CTNNA3: variants seen among roughly 807,000 people sequenced by gnomAD.
CTNNA3 encodes the protein catenin alpha 3.
In CTNNA3, 76 loss-of-function variants were observed where a neutral mutation model predicts 95.7. The ratio of observed to expected loss-of-function variants is 0.79; its 90% CI spans 0.66 to 0.96. The LOEUF is 0.96. Among genes scored for constraint, CTNNA3 ranks in the 40% least tolerant of loss-of-function variants. The pLI is 0.00. For missense variants in CTNNA3, 1,191 were observed against 1,089.8 expected (o/e 1.09, Z -1.31); for synonymous variants, 431 against 374.4 (o/e 1.15, Z -1.74).
chr10:66,317,095 G>A (rs1314861661), intron 12 of CTNNA3, among the ~76,000 whole-genome samples: 1 of 152,078 alleles, frequency 6.6e-6, no homozygotes, highest in East Asian at 1.9e-4. Flanking sequence ...TATATCAAAT[G>A]TAAGTGAAAT....
chr10:67,680,972 T>C (rs2133568177), intron 1 of CTNNA3, among the ~76,000 whole-genome samples: 1 of 152,270 alleles, frequency 6.6e-6, no homozygotes, highest in South Asian at 2.1e-4. Flanking sequence ...AATTTTAAAA[T>C]ATGATGGAAG....
chr10:66,619,847 ATTTATG>A (rs1166254202), intron 10 of CTNNA3, among the ~76,000 whole-genome samples: 1 of 152,118 alleles, frequency 6.6e-6, no homozygotes, highest in Non-Finnish European at 1.5e-5. Context: ...GTGTACGTGT[ATTTATG>A]TTTATAAGTA....
intron 1 of CTNNA3, among the ~76,000 whole-genome samples, chr10:67,679,349 G>A (rs1840586166): frequency 6.6e-6 from 1 of 152,246 alleles, no homozygotes; most frequent in African/African-American, 2.4e-5. Flanking sequence ...TGTCCTCTGA[G>A]AAGCAAAAGC....
intron 1 of CTNNA3, among the ~76,000 whole-genome samples, chr10:67,694,388 T>A (rs1179268302): frequency 6.6e-6 from 1 of 152,116 alleles, no homozygotes; most frequent in Non-Finnish European, 1.5e-5. Flanking sequence ...AATTTTACAA[T>A]GCTTTAAAAG....
intron 12 of CTNNA3, among the ~76,000 whole-genome samples, chr10:66,325,305 G>A (rs2092241158): frequency 6.6e-6 from 1 of 152,020 alleles, no homozygotes; most frequent in East Asian, 1.9e-4. Context: ...CCTTCTATGT[G>A]CAAAACTTTG....
chr10:67,720,572 T>C (rs935359287), intron 1 of CTNNA3, among the ~76,000 whole-genome samples: 1 of 152,130 alleles, frequency 6.6e-6, no homozygotes, highest in East Asian at 1.9e-4. Flanking sequence ...TCTCTCAGCA[T>C]TTGCTTGTCT....
At chr10:67,667,409 T>C (rs2133542558) in intron 1 of CTNNA3, among the ~76,000 whole-genome samples, 1 of 152,308 alleles carries the variant, frequency 6.6e-6, no homozygotes, top group Non-Finnish European at 1.5e-5. Flanking sequence ...TCTGTTTCTT[T>C]GATGCAATTA....
At chr10:66,074,987 AT>A (rs1289542909) in intron 14 of CTNNA3, among the ~76,000 whole-genome samples, 1 of 151,810 alleles carries the variant, frequency 6.6e-6, no homozygotes, top group African/African-American at 2.4e-5. Context: ...CTGATCTTGT[AT>A]TTTCATTGTC....
At chr10:67,231,351 A>C (rs575837571) in intron 5 of CTNNA3, among the ~76,000 whole-genome samples, 1 of 152,358 alleles carries the variant, frequency 6.6e-6, no homozygotes, top group African/African-American at 2.4e-5. Context: ...CTGCCTCCTC[A>C]AGTGGGTCCC....
intron 11 of CTNNA3, among the ~76,000 whole-genome samples, chr10:66,444,522 A>T (rs1195177892): frequency 1.3e-5 from 2 of 151,882 alleles, no homozygotes; most frequent in East Asian, 3.9e-4. Flanking sequence ...CCAACATTTC[A>T]CATTCTTAAA....
chr10:67,702,330 T>C (rs1283387403), intron 1 of CTNNA3, among the ~76,000 whole-genome samples: 1 of 152,178 alleles, frequency 6.6e-6, no homozygotes, highest in Non-Finnish European at 1.5e-5. Flanking sequence ...TACATTTTTT[T>C]CAGCACCACA....
At chr10:66,618,953 T>A (rs952683706) in intron 10 of CTNNA3, among the ~76,000 whole-genome samples, 1 of 151,978 alleles carries the variant, frequency 6.6e-6, no homozygotes, top group Non-Finnish European at 1.5e-5. Flanking sequence ...AACAGACACA[T>A]GAAAAAATGC....
At chr10:67,421,809 A>G (rs1049606922) in intron 5 of CTNNA3, among the ~76,000 whole-genome samples, 2 of 152,172 alleles carry the variant, frequency 1.3e-5, no homozygotes, top group Admixed American at 6.5e-5. Flanking sequence ...TGTTATATAA[A>G]CTTAAAAAAA....
intron 5 of CTNNA3, among the ~76,000 whole-genome samples, chr10:67,403,964 GC>G (rs1845031613): frequency 6.6e-6 from 1 of 152,150 alleles, no homozygotes; most frequent in Non-Finnish European, 1.5e-5. Context: ...GCAAATCATA[GC>G]AGCCCTACAG....
intron 1 of CTNNA3, among the ~76,000 whole-genome samples, chr10:67,669,027 A>T (rs1438194765): frequency 6.6e-6 from 1 of 151,758 alleles, no homozygotes; most frequent in Non-Finnish European, 1.5e-5. Context: ...TTTAGTAGAG[A>T]TGGGGTTTCA....
chr10:66,336,568 G>T (rs1224272954), intron 12 of CTNNA3, among the ~76,000 whole-genome samples: 1 of 152,026 alleles, frequency 6.6e-6, no homozygotes, highest in African/African-American at 2.4e-5. Flanking sequence ...GAATTTCCCA[G>T]TGGCCCACAA....
At position 65,940,143 on chromosome 10, in the gene CTNNA3, AGAAAG is replaced by A. The variant is rs1218227624; in HGVS notation, c.2401-19531_2401-19527del. Among the ~76,000 whole-genome samples the A allele has an allele frequency of 5.9e-5, 9 of 152,304 alleles. No homozygotes were observed. In the South Asian group the frequency reaches 1.9e-3, roughly 32 times the overall value. On this transcript the variant is annotated intron_variant, in intron 17 of 17. Transcript: ENST00000433211. ...CATAAAGAGCATTTCTGAATCTGTA[AGAAAG>A]GAAGGCCCTAAACAGTCATTGTGTT...
At chr10:66,483,713 A>G (rs1565007115) in intron 11 of CTNNA3, among the ~76,000 whole-genome samples, 1 of 152,100 alleles carries the variant, frequency 6.6e-6, no homozygotes. Context: ...ATTCTTGCAT[A>G]TGTTATAGAT....
intron 10 of CTNNA3, among the ~76,000 whole-genome samples, chr10:66,587,854 C>A (rs1241371145): frequency 6.6e-6 from 1 of 152,266 alleles, no homozygotes; most frequent in Admixed American, 6.5e-5. Flanking sequence ...CAGGCCGCAC[C>A]CCTTCTGGTC....
Sources: allele counts gnomAD v4.1 joint callset (sites outside exome capture counted in the v4.1 genomes callset), GRCh38; gene constraint gnomAD v4.1.1; transcripts MANE v1.5; gene names NCBI Gene and HGNC (gene_info 2026-07-23, HGNC 2026-07-21).